Variants in CCNK observed in about 807,000 individuals in gnomAD.
CCNK encodes the protein cyclin-K.
CCNK carries 9 observed loss-of-function variants against 65.0 expected under a neutral mutation model. That is an observed-to-expected ratio of 0.14 (90% CI 0.08 to 0.24). CCNK has a LOEUF of 0.24. Ranked by LOEUF, CCNK falls within the 10% of genes least tolerant of loss-of-function variation. CCNK has a pLI of 1.00. For missense variants in CCNK, 474 were observed against 720.0 expected, an observed-to-expected ratio of 0.66 and a Z score of 3.91; for synonymous variants, 279 against 270.8, an observed-to-expected ratio of 1.03 and a Z score of -0.30.
chr14:99,484,993 C>T (rs144244753), intron 1 of CCNK, among the ~76,000 whole-genome samples: 287 of 152,300 alleles, frequency 1.9e-3, no homozygotes, highest in Middle Eastern at 0.014. Context: ...TCAGAGGAAT[C>T]ACAAGCTACT....
At chr14:99,481,847 C>T (rs564892805) in intron 1 of CCNK, among the ~76,000 whole-genome samples, 4 of 152,360 alleles carry the variant, frequency 2.6e-5, no homozygotes, top group African/African-American at 9.6e-5. Flanking sequence ...GATTATTTCG[C>T]GGCGTATTAG....
chr14:99,488,419 G>A (rs1896537372), intron 1 of CCNK, among the ~76,000 whole-genome samples: 1 of 152,158 alleles, frequency 6.6e-6, no homozygotes. Flanking sequence ...CAGTTGTTGA[G>A]TAGAGTGTCT....
At chr14:99,482,913 T>C (rs1896388564) in intron 1 of CCNK, among the ~76,000 whole-genome samples, 1 of 152,172 alleles carries the variant, frequency 6.6e-6, no homozygotes, top group African/African-American at 2.4e-5. Context: ...TTCTTTAAAA[T>C]TGGATAAGGA....
At chr14:99,495,241 C>T (rs1896676425) in intron 3 of CCNK, 1 of 223,110 alleles carries the variant, frequency 4.5e-6, no homozygotes, top group Non-Finnish European at 8.7e-6. Flanking sequence ...GACTCTTTTC[C>T]TTTTTGGCAT....
At position 99,498,476 on chromosome 14, in the gene CCNK, T is replaced by C. The variant is rs117850299; in HGVS notation, c.412-2290T>C. On this transcript the variant is annotated intron_variant, in intron 4 of 10. Transcript: ENST00000389879. ...CTCTGCAGACAGGAGGGCAATTCTT[T>C]AGTGGAGGCAGTATAAGTATTTAGG... 5.5e-4 allele frequency among the ~76,000 whole-genome samples: 84 copies of C among 152,238 alleles called. 2 individuals are homozygous for C. The East Asian group carries it at 0.016, about 29-fold the overall frequency.
At chr14:99,492,228 T>G (rs2139857113) in intron 1 of CCNK, 1 of 156,232 alleles carries the variant, frequency 6.4e-6, no homozygotes, top group South Asian at 1.9e-4. Context: ...TAAATCTTTG[T>G]CAAGATTAAG....
chr14:99,503,993 G>A, intron 9 of CCNK: 2 of 361,914 alleles, frequency 5.5e-6, no homozygotes, highest in South Asian at 4.4e-5. Flanking sequence ...CAAGCACCAA[G>A]CCACAGCAGA....
In CCNK at chr14:99,510,296, G is replaced by A; in HGVS notation, c.1257G>A (p.Arg419=). ...PVHQPPPLPH[R]PPPPPPSSYM... ...ACCAGCCACCGCCGCTGCCACACCG[G>A]CCCCCGCCCCCACCCCCCTCCAGCT... is the stretch of plus-strand genomic sequence containing the variant. Residue 419 remains arginine (R), a synonymous_variant, in exon 11 of 11, where the codon CGG becomes CGA. Coordinates refer to ENST00000389879, the MANE Select transcript of CCNK (RefSeq NM_001099402.2). The A allele has an allele frequency of 7.2e-7, 1 of 1,397,866 alleles. No homozygotes were observed. The highest frequency in any genetic ancestry group is 9.6e-7 in the Non-Finnish European group (1 of 1,038,390). 86.6% of individuals were successfully genotyped at this position (1,397,866 alleles called of 1,614,324 possible).
At chr14:99,489,669 A>C (rs1896560440) in intron 1 of CCNK, among the ~76,000 whole-genome samples, 1 of 152,254 alleles carries the variant, frequency 6.6e-6, no homozygotes, top group African/African-American at 2.4e-5. Flanking sequence ...TTTGTTGCCC[A>C]TTTGGTTTGA....
chr14:99,507,557 G>A (rs766564982), intron 10 of CCNK: 6 of 170,274 alleles, frequency 3.5e-5, no homozygotes, highest in Non-Finnish European at 6.3e-5. Flanking sequence ...GAGGGAGACC[G>A]TGTCTCAAAG....
intron 9 of CCNK, 59 bp downstream of exon 9, chr14:99,503,703 T>G (rs1896900687): frequency 7.1e-7 from 1 of 1,399,220 alleles, no homozygotes. Context: ...AACTTTAAAT[T>G]CTTAGCCAAC....
intron 8 of CCNK, 168 bp from the exon 9 acceptor site, chr14:99,503,443 T>A (rs1896891499): frequency 4.9e-6 from 3 of 616,322 alleles, no homozygotes; most frequent in Non-Finnish European, 8.7e-6. Flanking sequence ...GAAATGATGA[T>A]CTGGTAGGTG....
At chr14:99,486,224 A>G (rs541977536) in intron 1 of CCNK, among the ~76,000 whole-genome samples, 1 of 152,328 alleles carries the variant, frequency 6.6e-6, no homozygotes, top group Admixed American at 6.5e-5. Context: ...TTTGTTTTGC[A>G]ACAAAGGATG....
At chr14:99,506,720 C>T (rs1414552237) in intron 9 of CCNK, 1 of 278,872 alleles carries the variant, frequency 3.6e-6, no homozygotes, top group Non-Finnish European at 7.0e-6. Flanking sequence ...TTCTTTGTGT[C>T]CTCTGTACCA....
chr14:99,481,596 C>T (rs980212744), intron 1 of CCNK, 117 bp downstream of exon 1: 8 of 395,442 alleles, frequency 2.0e-5, no homozygotes, highest in African/African-American at 1.4e-4. Context: ...CGGATTCTGC[C>T]TCCCTCCGCT....
At chr14:99,483,777 G>A (rs1052265119) in intron 1 of CCNK, among the ~76,000 whole-genome samples, 1 of 152,228 alleles carries the variant, frequency 6.6e-6, no homozygotes, top group African/African-American at 2.4e-5. Context: ...GTTGATTAAT[G>A]AGTTGATGTA....
intron 3 of CCNK, 142 bp downstream of exon 3, chr14:99,493,737 A>G (rs1896642516): frequency 2.0e-6 from 1 of 512,248 alleles, no homozygotes; most frequent in Non-Finnish European, 3.3e-6. Flanking sequence ...TATAAACAAA[A>G]TCAAGTTTGA....
intron 1 of CCNK, among the ~76,000 whole-genome samples, chr14:99,488,233 A>G (rs1286119856): frequency 6.6e-6 from 1 of 151,800 alleles, no homozygotes; most frequent in Non-Finnish European, 1.5e-5. Context: ...CTAATATACA[A>G]TTTATACTTA....
intron 1 of CCNK, among the ~76,000 whole-genome samples, chr14:99,484,057 ATTTACTTGG>A: frequency 6.6e-6 from 1 of 152,252 alleles, no homozygotes; most frequent in South Asian, 2.1e-4. Flanking sequence ...AAATAAATAA[ATTTACTTGG>A]TGTGATTACA....
Sources: gnomAD v4.1 joint callset for allele counts (sites outside exome capture counted in the v4.1 genomes callset) on GRCh38, gnomAD v4.1.1 for gene constraint, MANE v1.5 for transcripts, NCBI Gene and HGNC (gene_info 2026-07-23, HGNC 2026-07-21) for gene names.